The following PDS5A variants were observed in gnomAD, a reference collection of about 807,000 sequenced individuals.
The protein encoded by PDS5A is PDS5 cohesin associated factor A.
PDS5A carries 42 observed loss-of-function variants against 167.1 expected under a neutral mutation model. The ratio of observed to expected loss-of-function variants is 0.25; its 90% confidence interval spans 0.20 to 0.33. PDS5A has a LOEUF of 0.33. Ranked by LOEUF, PDS5A falls within the 10% of genes least tolerant of loss-of-function variation. PDS5A has a pLI of 1.00. For synonymous variants in PDS5A, 553 were observed against 554.6 expected (o/e 1.00, Z 0.04); for missense variants, 1,033 against 1,605.9 (o/e 0.64, Z 6.10).
chr4:39,902,212 T>C, intron 13 of PDS5A, 135 bp downstream of exon 13: 1 of 542,606 alleles, frequency 1.8e-6, no homozygotes, highest in Non-Finnish European at 3.3e-6. Context: ...ACATTTTGTC[T>C]ATAAATATTT....
chr4:39,893,153 C>A (rs1219027585), intron 16 of PDS5A, among the ~76,000 whole-genome samples: 2 of 152,290 alleles, frequency 1.3e-5, no homozygotes, highest in East Asian at 3.9e-4. Context: ...GGACCACTCT[C>A]ATGGGGAGGG....
chr4:39,925,827 AT>A lies in PDS5A; in HGVS notation c.527+8del, dbSNP rs756285212. 1 of 1,179,338 alleles carries A rather than the reference AT, an allele frequency of 8.5e-7. No individual in the cohort carries two copies. Among genetic ancestry groups the A allele is most frequent in the Non-Finnish European group, 1.2e-6 (1 of 823,622 alleles). The allele number at this position is 1,179,338 out of a possible 1,614,324, so 73.1% of individuals were successfully genotyped here. A position where few individuals can be genotyped will look rare whatever the true frequency, so the allele number is the denominator to read the frequency against. On this transcript the variant is annotated splice_region_variant and intron_variant, in intron 5 of 32. Transcript: ENST00000303538. ...AGAGACAAACAGAAATGCTTAAAAA[AT>A]AACTTACTTGATCACTGAGAAGAGA... is the stretch of plus-strand genomic sequence containing the variant.
At chr4:39,918,547 A>G (rs754665151) in intron 7 of PDS5A, among the ~76,000 whole-genome samples, 1 of 152,156 alleles carries the variant, frequency 6.6e-6, no homozygotes, top group Non-Finnish European at 1.5e-5. Context: ...AGCAGCATGA[A>G]TTAAGTTAGA....
chr4:39,870,229 C>T (rs1719905613), intron 21 of PDS5A, among the ~76,000 whole-genome samples: 1 of 152,068 alleles, frequency 6.6e-6, no homozygotes, highest in African/African-American at 2.4e-5. Flanking sequence ...TCAAATATCT[C>T]AATTTAATAG....
intron 17 of PDS5A, among the ~76,000 whole-genome samples, chr4:39,885,986 G>C (rs566516273): frequency 5.3e-5 from 8 of 152,216 alleles, no homozygotes; most frequent in African/African-American, 1.7e-4. Context: ...AGCCAATTTT[G>C]ATTTTTTTGT....
intron 2 of PDS5A, among the ~76,000 whole-genome samples, chr4:39,929,733 G>A (rs1297730703): frequency 1.3e-5 from 2 of 149,782 alleles, no homozygotes; most frequent in African/African-American, 2.5e-5. Context: ...TTTATCATGA[G>A]TGTAAAATTT....
At chr4:39,902,718 T>A (rs1722986253) in intron 12 of PDS5A, among the ~76,000 whole-genome samples, 2 of 151,994 alleles carry the variant, frequency 1.3e-5, no homozygotes, top group African/African-American at 4.8e-5. Context: ...AGACAAGGTG[T>A]CCCTATGTTG....
rs1213606232 is a variant in PDS5A, at chr4:39,976,572, G to A, written c.6C>T (p.Asp2=). The A allele has an allele frequency of 6.2e-7, 1 of 1,611,052 alleles. No homozygotes were observed. Among genetic ancestry groups the A allele is most frequent in the African/African-American group, 1.3e-5 (1 of 74,908 alleles). ...TGGCAGGCTTGGGCTGCGCGGTGAA[G>A]TCCATCCTGGGGGACAACTTTTGGT... M[D]FTAQPKPATA... Residue 2 remains aspartate, a synonymous_variant, in exon 2 of 33, where the codon GAC becomes GAT. Coordinates refer to ENST00000303538, the MANE Select transcript of PDS5A (RefSeq NM_001100399.2).
In PDS5A at chr4:39,851,093, A is replaced by G. The variant is rs1050041345; in HGVS notation, c.3087-1441T>C. On this transcript the variant is annotated intron_variant, in intron 26 of 32. Coordinates refer to ENST00000303538, the MANE Select transcript of PDS5A (RefSeq NM_001100399.2). Reference sequence around the variant, plus strand: ...ACTTAGGCAAAGAGTTGTCAACTCTACTTAGATACTGGATAGCTGCTAGAA... The same window carrying G: ...ACTTAGGCAAAGAGTTGTCAACTCTGCTTAGATACTGGATAGCTGCTAGAA... Among the ~76,000 whole-genome samples, 5 of 152,322 alleles carry G rather than the reference A, an allele frequency of 3.3e-5. No homozygotes were observed. The South Asian group carries it at 1.0e-3, about 32-fold the overall frequency.
At chr4:39,857,935 G>A (rs1578617261) in intron 26 of PDS5A, among the ~76,000 whole-genome samples, 1 of 152,106 alleles carries the variant, frequency 6.6e-6, no homozygotes, top group East Asian at 1.9e-4. Flanking sequence ...TCCCAAAGTT[G>A]CTGAGATTAC....
intron 2 of PDS5A, among the ~76,000 whole-genome samples, chr4:39,934,287 G>A (rs932623441): frequency 1.3e-5 from 2 of 152,084 alleles, no homozygotes; most frequent in Non-Finnish European, 2.9e-5. Flanking sequence ...TGAATTAAGG[G>A]TGCTCTTCCA....
intron 9 of PDS5A, among the ~76,000 whole-genome samples, chr4:39,913,110 G>C (rs1724038568): frequency 6.8e-6 from 1 of 147,856 alleles, no homozygotes; most frequent in African/African-American, 2.5e-5. Flanking sequence ...TTTTTAGACA[G>C]AGTCTCACTC....
At chr4:39,955,960 C>A (rs1052841880) in intron 2 of PDS5A, among the ~76,000 whole-genome samples, 18 of 151,646 alleles carry the variant, frequency 1.2e-4, no homozygotes, top group African/African-American at 4.4e-4. Context: ...ACTAAAAATA[C>A]AAAAATTAGC....
Position 39,977,388 on chromosome 4 carries a change from CT to C in PDS5A, c.-41+68del, listed in dbSNP as rs1293253783. ...CGGGCCTCGGACCCGCGGCCCCCCC[CT>C]CCAGTCTCCCCTTCCGTCCCCTCCC... On this transcript the variant is annotated intron_variant, in intron 1 of 32. Coordinates refer to ENST00000303538, the MANE Select transcript of PDS5A (RefSeq NM_001100399.2). The surrounding 1 kb of genome is among the most constrained non-coding windows in gnomAD (Gnocchi z 4.2). 6.6e-6 allele frequency: 1 copy of C among 151,790 alleles called. No individual in the cohort carries two copies. Among genetic ancestry groups the C allele is most frequent in the Non-Finnish European group, 1.5e-5 (1 of 67,922 alleles). The allele number at this position is 151,790 out of a possible 1,614,324, so 9.4% of individuals were successfully genotyped here. A position where few individuals can be genotyped will look rare whatever the true frequency, so the allele number is the denominator to read the frequency against.
chr4:39,902,733 G>A (rs1290600557), intron 12 of PDS5A, among the ~76,000 whole-genome samples: 2 of 152,082 alleles, frequency 1.3e-5, no homozygotes, highest in African/African-American at 4.8e-5. Context: ...ATGTTGCCAA[G>A]GCTGATCTGG....
intron 7 of PDS5A, among the ~76,000 whole-genome samples, chr4:39,917,724 G>A (rs919236434): frequency 2.0e-5 from 3 of 152,154 alleles, no homozygotes; most frequent in African/African-American, 7.2e-5. Context: ...ACAGGAACCC[G>A]CCACCATGCC....
At chr4:39,907,218 G>GA (rs952887900) in intron 11 of PDS5A, among the ~76,000 whole-genome samples, 1 of 151,954 alleles carries the variant, frequency 6.6e-6, no homozygotes, top group African/African-American at 2.4e-5. Flanking sequence ...AAAGCCAAGG[G>GA]AAAAAAATCT....
chr4:39,888,506 G>A (rs1414678047), intron 17 of PDS5A, among the ~76,000 whole-genome samples: 5 of 151,912 alleles, frequency 3.3e-5, no homozygotes, highest in Non-Finnish European at 7.4e-5. Context: ...TATGTTTATT[G>A]TGTCACTATT....
chr4:39,913,538 G>C, intron 9 of PDS5A, 73 bp downstream of exon 9: 1 of 796,776 alleles, frequency 1.3e-6, no homozygotes, highest in African/African-American at 1.7e-5. Flanking sequence ...GATATGTATA[G>C]TTTTAATCAA....
Sources: gnomAD v4.1 joint callset for allele counts (sites outside exome capture counted in the v4.1 genomes callset) on GRCh38, gnomAD v4.1.1 for gene constraint, Gnocchi (gnomAD v3.1) non-coding constraint, MANE v1.5 for transcripts, NCBI Gene and HGNC (gene_info 2026-07-23, HGNC 2026-07-21) for gene names.